The following SLC35D2 variants were observed in gnomAD, a reference collection of about 807,000 sequenced individuals.
SLC35D2 encodes nucleotide sugar transporter SLC35D2.
In SLC35D2, 43 loss-of-function variants were observed where a neutral mutation model predicts 41.8. That is an observed-to-expected ratio of 1.03 (90% CI 0.81 to 1.33). The LOEUF (loss-of-function observed/expected upper bound fraction) is 1.33, where lower values mean the gene tolerates loss of function less well. Ranked by LOEUF, SLC35D2 falls within the 40% of genes most tolerant of loss-of-function variation. The pLI is 0.00. For missense variants in SLC35D2, 380 were observed against 408.4 expected, an observed-to-expected ratio of 0.93 and a Z score of 0.60; for synonymous variants, 150 against 163.9, an observed-to-expected ratio of 0.92 and a Z score of 0.65.
chr9:96,350,114 G>GT (rs1455728476), intron 6 of SLC35D2, among the ~76,000 whole-genome samples: 1 of 152,022 alleles, frequency 6.6e-6, no homozygotes, highest in Non-Finnish European at 1.5e-5. Flanking sequence ...CAGATGACAC[G>GT]TAAGTAATAA....
intron 11 of SLC35D2, among the ~76,000 whole-genome samples, chr9:96,315,434 CTTT>C (rs35644020): frequency 2.3e-5 from 3 of 131,982 alleles, no homozygotes; most frequent in East Asian, 2.2e-4. Flanking sequence ...CCTTCACAGA[CTTT>C]TTTTTTTTTT....
At chr9:96,368,377 G>A in intron 1 of SLC35D2, 72 bp from the exon 2 acceptor site, 1 of 1,083,866 alleles carries the variant, frequency 9.2e-7, no homozygotes, top group Non-Finnish European at 1.3e-6. Flanking sequence ...AATAAATAAT[G>A]ACAAGTTATT....
At chr9:96,348,253 G>A in intron 6 of SLC35D2, among the ~76,000 whole-genome samples, 1 of 152,158 alleles carries the variant, frequency 6.6e-6, no homozygotes. Flanking sequence ...ACTTGTTTTT[G>A]AATAAAATGT....
chr9:96,342,976 C>T lies in SLC35D2; in HGVS notation c.684+928G>A, dbSNP rs978437507. Among the ~76,000 whole-genome samples, 8 of 152,348 alleles carry T rather than the reference C, an allele frequency of 5.3e-5. No individual in the cohort carries two copies. In the South Asian group the frequency reaches 8.3e-4, roughly 16 times the overall value. ...TGCCCCAGCCCCAGGCCAGCAATGA[C>T]GGGGTTATCGCCTGGCTGGTCAGGG... On this transcript the variant is annotated intron_variant, in intron 8 of 11. Coordinates refer to ENST00000253270, the MANE Select transcript of SLC35D2 (RefSeq NM_007001.3).
chr9:96,347,095 C>CT (rs1289787019), intron 6 of SLC35D2, among the ~76,000 whole-genome samples: 1 of 152,214 alleles, frequency 6.6e-6, no homozygotes, highest in Non-Finnish European at 1.5e-5. Flanking sequence ...AAGATCGTGC[C>CT]TCCAGCCTGA....
chr9:96,358,698 A>C (rs967077978), intron 4 of SLC35D2, among the ~76,000 whole-genome samples: 1 of 152,194 alleles, frequency 6.6e-6, no homozygotes, highest in African/African-American at 2.4e-5. Context: ...TTCTTATCGA[A>C]AAAGTTTAGG....
At chr9:96,337,853 G>A (rs1447368232) in intron 8 of SLC35D2, among the ~76,000 whole-genome samples, 1 of 151,640 alleles carries the variant, frequency 6.6e-6, no homozygotes, top group East Asian at 2.0e-4. Context: ...GCAGGGGCAG[G>A]TGCCTGTAAT....
chr9:96,366,857 CTTG>C (rs1470835296), intron 2 of SLC35D2, among the ~76,000 whole-genome samples: 4 of 150,764 alleles, frequency 2.7e-5, no homozygotes, highest in African/African-American at 4.9e-5. Flanking sequence ...TAAGAAAATT[CTTG>C]TTATGATTGT....
chr9:96,347,373 C>A (rs890891623), intron 6 of SLC35D2, among the ~76,000 whole-genome samples: 1 of 152,136 alleles, frequency 6.6e-6, no homozygotes, highest in African/African-American at 2.4e-5. Context: ...AGGCAGCTTA[C>A]CCACTGTTTG....
intron 9 of SLC35D2, among the ~76,000 whole-genome samples, chr9:96,327,949 T>A (rs1460424726): frequency 1.3e-5 from 2 of 151,826 alleles, no homozygotes; most frequent in African/African-American, 4.8e-5. Flanking sequence ...CCACTAGATG[T>A]CCCCAGAGAG....
intron 2 of SLC35D2, among the ~76,000 whole-genome samples, chr9:96,366,083 G>A (rs913304029): frequency 3.3e-5 from 5 of 152,006 alleles, no homozygotes; most frequent in Admixed American, 2.6e-4. Flanking sequence ...TGGGCAGATC[G>A]CTTGAGCCCA....
intron 6 of SLC35D2, 59 bp downstream of exon 6, chr9:96,351,044 C>T: frequency 2.4e-6 from 3 of 1,244,308 alleles, no homozygotes; most frequent in Non-Finnish European, 2.4e-6. Flanking sequence ...GAGGATGGGG[C>T]TGGGCCTATT....
At chr9:96,362,303 T>G (rs183310163) in intron 3 of SLC35D2, among the ~76,000 whole-genome samples, 1 of 151,506 alleles carries the variant, frequency 6.6e-6, no homozygotes, top group East Asian at 1.9e-4. Context: ...AGGTCAGGAG[T>G]TCAAGACCAG....
intron 1 of SLC35D2, among the ~76,000 whole-genome samples, chr9:96,368,793 C>T (rs1417912844): frequency 6.6e-6 from 1 of 151,612 alleles, no homozygotes; most frequent in African/African-American, 2.4e-5. Flanking sequence ...GAGATGGAGT[C>T]TCACTCTATC....
intron 5 of SLC35D2, among the ~76,000 whole-genome samples, chr9:96,351,773 G>A (rs941837544): frequency 6.6e-6 from 1 of 152,060 alleles, no homozygotes; most frequent in Non-Finnish European, 1.5e-5. Flanking sequence ...CAGGAAACAG[G>A]TTTACATCCT....
rs541680034 is a variant in SLC35D2 at position 96,349,349 on chromosome 9, G to A, written c.488+1754C>T. The stretch of plus-strand genomic sequence containing the variant: ...CTCCCAGGTCCATTCATTCTCTCCA[G>A]GCATCATTTCTGAACTCCCAAAAGC... On this transcript the variant is annotated intron_variant, in intron 6 of 11. Transcript: ENST00000253270. Among the ~76,000 whole-genome samples, 8 of 152,148 alleles carry A rather than the reference G, an allele frequency of 5.3e-5. No homozygotes were observed. In the East Asian group the frequency reaches 1.5e-3, roughly 29 times the overall value.
chr9:96,318,976 A>C (rs1219226269), downstream of SLC35D2, among the ~76,000 whole-genome samples: 1 of 152,212 alleles, frequency 6.6e-6, no homozygotes, highest in Non-Finnish European at 1.5e-5. Context: ...AAAAACCTAA[A>C]AATAGAAAGA....
intron 1 of SLC35D2, among the ~76,000 whole-genome samples, chr9:96,371,977 C>T (rs1023159377): frequency 3.3e-5 from 5 of 151,924 alleles, no homozygotes; most frequent in East Asian, 3.9e-4. Flanking sequence ...CCGCCCGCCT[C>T]GGCCTCCCAA....
At chr9:96,371,641 A>G (rs993008105) in intron 1 of SLC35D2, among the ~76,000 whole-genome samples, 88 of 150,392 alleles carry the variant, frequency 5.9e-4, no homozygotes, top group Admixed American at 2.1e-3. Context: ...AGAAATATAT[A>G]TCTTTGAAAG....
Sources: gnomAD v4.1 joint callset for allele counts (sites outside exome capture counted in the v4.1 genomes callset) on GRCh38, gnomAD v4.1.1 for gene constraint, MANE v1.5 for transcripts, NCBI Gene and HGNC (gene_info 2026-07-23, HGNC 2026-07-21) for gene names.